The following SEH1L variants were observed in gnomAD, a reference collection of about 807,000 sequenced individuals.
SEH1L encodes the protein nucleoporin SEH1.
A neutral mutation model predicts 49.5 loss-of-function variants in SEH1L; 18 were observed. That is an observed-to-expected ratio of 0.36 (90% CI 0.25 to 0.54). The LOEUF is 0.54. Among genes scored for constraint, SEH1L ranks in the 20% least tolerant of loss-of-function variants. The pLI is 0.87. For synonymous variants in SEH1L, 169 were observed against 178.1 expected, an observed-to-expected ratio of 0.95 and a Z score of 0.41; for missense variants, 404 against 528.8, an observed-to-expected ratio of 0.76 and a Z score of 2.31.
At chr18:12,954,993 T>C (rs1425883999) in intron 2 of SEH1L, among the ~76,000 whole-genome samples, 1 of 152,234 alleles carries the variant, frequency 6.6e-6, no homozygotes, top group Non-Finnish European at 1.5e-5. Flanking sequence ...TAACCACTAA[T>C]CTACTTTCTG....
intron 4 of SEH1L, among the ~76,000 whole-genome samples, chr18:12,966,080 T>TC: frequency 6.7e-6 from 1 of 148,276 alleles, no homozygotes; most frequent in Non-Finnish European, 1.5e-5. Context: ...TTGTTTTTTA[T>TC]TTTTATTTTT....
At chr18:12,985,379 T>TAC in intron 8 of SEH1L, 1 of 1,475,060 alleles carries the variant, frequency 6.8e-7, no homozygotes, top group Non-Finnish European at 9.0e-7. Context: ...AGCAGCCTGC[T>TAC]TACTACTAAA....
chr18:12,952,972 G>T (rs2030636814), intron 2 of SEH1L, among the ~76,000 whole-genome samples: 1 of 152,030 alleles, frequency 6.6e-6, no homozygotes, highest in Non-Finnish European at 1.5e-5. Context: ...GGTAGAGACA[G>T]GGTTTCACTA....
At chr18:12,965,311 C>T (rs539017238) in intron 4 of SEH1L, among the ~76,000 whole-genome samples, 1 of 152,328 alleles carries the variant, frequency 6.6e-6, no homozygotes, top group African/African-American at 2.4e-5. Context: ...CTCGCCCAGT[C>T]CATTTCCTAA....
chr18:12,981,036 C>T (rs181112481), intron 6 of SEH1L, among the ~76,000 whole-genome samples: 4,928 of 150,628 alleles, frequency 0.033, 242 homozygotes, highest in African/African-American at 0.11. Context: ...GTGTGGCTGC[C>T]GGGCGGAGGG....
Position 12,987,141 on chromosome 18 carries a change from T to C in SEH1L, c.*84T>C. On this transcript the variant is annotated 3_prime_UTR_variant, in exon 9 of 9. Transcript: ENST00000399892. ...GCTGCTTTTTGTTTTTCATTTTCTTTCAGAAGATTTTTCTAACTTAGGGTC... is the reference window on the plus strand; with the variant it reads ...GCTGCTTTTTGTTTTTCATTTTCTTCCAGAAGATTTTTCTAACTTAGGGTC... 1 of 1,057,592 alleles carries C rather than the reference T, an allele frequency of 9.5e-7. No individual in the cohort carries two copies. Among genetic ancestry groups the C allele is most frequent in the South Asian group, 1.6e-5 (1 of 61,386 alleles). 65.5% of individuals were successfully genotyped at this position (1,057,592 alleles called of 1,614,324 possible).
intron 3 of SEH1L, among the ~76,000 whole-genome samples, chr18:12,960,548 T>G (rs2031122922): frequency 6.6e-6 from 1 of 152,250 alleles, no homozygotes; most frequent in Non-Finnish European, 1.5e-5. Context: ...CTATTCAGAC[T>G]GTTTTACAGC....
chr18:12,972,274 G>A (rs940311960), intron 5 of SEH1L: 4 of 152,112 alleles, frequency 2.6e-5, no homozygotes, highest in East Asian at 1.9e-4. Context: ...GAAGGGGGAA[G>A]GTGTTAAGAT....
At chr18:12,955,658 A>G (rs1469080888) in intron 3 of SEH1L, 49 bp downstream of exon 3, 1 of 1,589,790 alleles carries the variant, frequency 6.3e-7, no homozygotes, top group Non-Finnish European at 8.6e-7. Context: ...TGAGCAGCCA[A>G]GGAGCATTCA....
chr18:12,978,934 C>T, intron 6 of SEH1L, 42 bp downstream of exon 6: 2 of 1,586,146 alleles, frequency 1.3e-6, no homozygotes, highest in Non-Finnish European at 1.7e-6. Flanking sequence ...ATACTCTTGC[C>T]TTCTGATTAC....
intron 5 of SEH1L, chr18:12,973,522 AC>A (rs2031788902): frequency 6.6e-6 from 1 of 151,304 alleles, no homozygotes; most frequent in Admixed American, 6.6e-5. Context: ...CTTGTCTTGA[AC>A]TCCTGACCTC....
chr18:12,986,727 C>CT (rs34381701), intron 8 of SEH1L, 135 bp from the exon 9 acceptor site: 66,387 of 958,884 alleles, frequency 0.069, 18 homozygotes, highest in Non-Finnish European at 0.076. Flanking sequence ...TATACTAAAG[C>CT]TTTTTTTTTT....
At chr18:12,961,139 C>T (rs1213704248) in intron 3 of SEH1L, among the ~76,000 whole-genome samples, 1 of 152,130 alleles carries the variant, frequency 6.6e-6, no homozygotes, top group Non-Finnish European at 1.5e-5. Flanking sequence ...GGAGGGGCTG[C>T]GTGTGCAGTG....
intron 7 of SEH1L, among the ~76,000 whole-genome samples, chr18:12,983,432 G>GCTTTATTCA (rs1204371600): frequency 6.6e-6 from 1 of 152,152 alleles, no homozygotes; most frequent in East Asian, 1.9e-4. Flanking sequence ...TTGATTTTAG[G>GCTTTATTCA]GGCTTTGCTG....
intron 5 of SEH1L, chr18:12,973,641 A>G (rs1431813620): frequency 2.0e-5 from 3 of 152,180 alleles, no homozygotes; most frequent in African/African-American, 7.2e-5. Flanking sequence ...AAATAATCCA[A>G]TGTTAAAAAT....
At chr18:12,969,618 A>T (rs934970846) in intron 4 of SEH1L, among the ~76,000 whole-genome samples, 3 of 151,502 alleles carry the variant, frequency 2.0e-5, no homozygotes, top group Non-Finnish European at 4.4e-5. Flanking sequence ...AATCCAGGAG[A>T]TGGAGGTTGC....
At chr18:12,986,246 G>A in intron 8 of SEH1L, 1 of 985,232 alleles carries the variant, frequency 1.0e-6, no homozygotes, top group African/African-American at 1.7e-5. Context: ...AGTATTATCG[G>A]TAAGTTACAA....
In SEH1L at chr18:12,978,758, T is replaced by C. The variant is rs2032031275; in HGVS notation, c.627T>C (p.Tyr209=). The C allele has an allele frequency of 1.9e-6, 3 of 1,606,874 alleles. No individual in the cohort carries two copies. The highest frequency in any genetic ancestry group is 2.5e-6 in the Non-Finnish European group (3 of 1,176,858). The stretch of plus-strand genomic sequence containing the variant: ...TCAATTGTTTTTCCATTAGGAAATA[T>C]GCAAAAGCTGAAACTCTTATGACAG... ...IFEYNENTRK[Y]AKAETLMTVT... Residue 209 remains tyrosine, a synonymous_variant, in exon 6 of 9, where the codon TAT becomes TAC. Coordinates refer to ENST00000399892, the MANE Select transcript of SEH1L (RefSeq NM_001013437.2).
intron 4 of SEH1L, among the ~76,000 whole-genome samples, chr18:12,965,873 G>A (rs1265281215): frequency 1.3e-5 from 2 of 152,234 alleles, no homozygotes; most frequent in South Asian, 2.1e-4. Flanking sequence ...GGGTTGTCTA[G>A]TGTATTCATT....
Sources: gnomAD v4.1 joint callset for allele counts (sites outside exome capture counted in the v4.1 genomes callset) on GRCh38, gnomAD v4.1.1 for gene constraint, MANE v1.5 for transcripts, NCBI Gene and HGNC (gene_info 2026-07-23, HGNC 2026-07-21) for gene names.